Variants in ASIC2 observed in about 807,000 individuals in gnomAD.
The protein encoded by ASIC2 is acid sensing ion channel subunit 2.
Under a neutral mutation model 57.3 loss-of-function variants are expected in ASIC2, and 25 were observed. That is an observed-to-expected ratio of 0.44 (90% CI 0.32 to 0.61). The LOEUF is 0.61. ASIC2 is among the 20% of genes least tolerant of loss of function. The pLI, the probability that ASIC2 is intolerant of heterozygous loss-of-function variation, is 0.06. For missense variants in ASIC2, 641 were observed against 738.1 expected, an observed-to-expected ratio of 0.87 and a Z score of 1.52; for synonymous variants, 319 against 307.5, an observed-to-expected ratio of 1.04 and a Z score of -0.39.
chr17:34,046,979 C>A (rs928678606), intron 1 of ASIC2, among the ~76,000 whole-genome samples: 1 of 152,154 alleles, frequency 6.6e-6, no homozygotes, highest in African/African-American at 2.4e-5. Context: ...GGCTACAGAA[C>A]TTATTTATGC....
chr17:33,441,794 T>G (rs908979083), intron 1 of ASIC2, among the ~76,000 whole-genome samples: 3 of 152,202 alleles, frequency 2.0e-5, no homozygotes, highest in Non-Finnish European at 2.9e-5. Context: ...CCAATCATAC[T>G]TCTGCACAAC....
intron 1 of ASIC2, among the ~76,000 whole-genome samples, chr17:33,443,349 A>G (rs1374293235): frequency 1.3e-5 from 2 of 150,368 alleles, no homozygotes; most frequent in Non-Finnish European, 2.9e-5. Flanking sequence ...AATGTGATAG[A>G]AGTCACCAGT....
At position 33,358,439 on chromosome 17, in the gene ASIC2, T is replaced by C. The variant is rs200000681; in HGVS notation, c.556-246372A>G. On this transcript the variant is annotated intron_variant, in intron 1 of 9. Transcript: ENST00000359872. ...CATGACCTATGGATTTAGAGTCCCT[T>C]GTGACATGGACATGAGAGAACAAAT... Among the ~76,000 whole-genome samples, 39 of 152,338 alleles carry C rather than the reference T, an allele frequency of 2.6e-4. No homozygotes were observed. The East Asian group carries it at 3.3e-3, about 13-fold the overall frequency.
intron 1 of ASIC2, among the ~76,000 whole-genome samples, chr17:33,659,445 A>G (rs529846141): frequency 2.6e-4 from 40 of 152,192 alleles, no homozygotes; most frequent in Non-Finnish European, 4.7e-4. Context: ...GGGAGAACCT[A>G]TTGCTCCTAG....
intron 1 of ASIC2, among the ~76,000 whole-genome samples, chr17:33,694,469 T>G (rs1310970348): frequency 6.6e-6 from 1 of 152,212 alleles, no homozygotes; most frequent in Non-Finnish European, 1.5e-5. Flanking sequence ...AATACTTTCT[T>G]GCCTCAGTGT....
chr17:33,118,231 C>T (rs953528999), intron 1 of ASIC2, among the ~76,000 whole-genome samples: 1 of 152,140 alleles, frequency 6.6e-6, no homozygotes, highest in Admixed American at 6.5e-5. Context: ...CTCATTGGTC[C>T]TCCAGTAACT....
intron 1 of ASIC2, among the ~76,000 whole-genome samples, chr17:33,245,698 C>G (rs1363207432): frequency 1.3e-5 from 2 of 152,072 alleles, no homozygotes; most frequent in South Asian, 2.1e-4. Context: ...GGAAGAGCAT[C>G]AGAGGGTAAC....
rs1248148667 is a variant in ASIC2, at chr17:34,067,702, A to G, written c.555+88276T>C. Reference sequence around the variant, plus strand: ...AAATAAATTGGGGTATACCCACACAATAGAATATGCTACTGTTGTGAAGGA... The same window carrying G: ...AAATAAATTGGGGTATACCCACACAGTAGAATATGCTACTGTTGTGAAGGA... On this transcript the variant is annotated intron_variant, in intron 1 of 9. Coordinates refer to the ASIC2 transcript ENST00000359872. Among the ~76,000 whole-genome samples, 3 of 152,238 alleles carry G rather than the reference A, an allele frequency of 2.0e-5. No homozygotes were observed. In the East Asian group the frequency reaches 5.8e-4, roughly 29 times the overall value.
chr17:34,118,466 C>A (rs1309326322), intron 1 of ASIC2: 2 of 152,226 alleles, frequency 1.3e-5, no homozygotes, highest in Non-Finnish European at 2.9e-5. Flanking sequence ...ACCGACATTT[C>A]TTCCAGAAGA....
chr17:33,421,232 C>A (rs1441781613), intron 1 of ASIC2, among the ~76,000 whole-genome samples: 1 of 152,100 alleles, frequency 6.6e-6, no homozygotes, highest in Admixed American at 6.5e-5. Flanking sequence ...CAGGAGAGGC[C>A]TTAGGGGAAG....
At chr17:33,466,939 G>A (rs140011212) in intron 1 of ASIC2, among the ~76,000 whole-genome samples, 1,592 of 152,250 alleles carry the variant, frequency 0.01, 15 homozygotes, top group Non-Finnish European at 0.017. Context: ...CATGGGCAAG[G>A]ACTTCATGAC....
At chr17:33,133,620 C>T (rs915477130) in intron 1 of ASIC2, among the ~76,000 whole-genome samples, 3 of 152,180 alleles carry the variant, frequency 2.0e-5, no homozygotes, top group Admixed American at 2.0e-4. Context: ...AACTTTAAGT[C>T]TGTGTGACTC....
chr17:33,576,787 G>A (rs200018615), intron 1 of ASIC2, among the ~76,000 whole-genome samples: 3 of 25,346 alleles, frequency 1.2e-4, no homozygotes, highest in African/African-American at 1.0e-3. Context: ...AGGGCACCTG[G>A]TTCTTTGAGT....
chr17:34,053,406 A>G (rs1451215394), intron 1 of ASIC2, among the ~76,000 whole-genome samples: 2 of 152,154 alleles, frequency 1.3e-5, no homozygotes, highest in African/African-American at 4.8e-5. Context: ...TTGTCTTTGT[A>G]ACTCTTGATG....
intron 1 of ASIC2, among the ~76,000 whole-genome samples, chr17:33,642,491 G>T (rs1218032551): frequency 2.0e-5 from 3 of 152,192 alleles, no homozygotes; most frequent in Non-Finnish European, 4.4e-5. Flanking sequence ...CACAATGCCT[G>T]CCCCTTGTAA....
intron 1 of ASIC2, among the ~76,000 whole-genome samples, chr17:33,854,042 C>T (rs1913847854): frequency 6.6e-6 from 1 of 152,304 alleles, no homozygotes; most frequent in Non-Finnish European, 1.5e-5. Context: ...GCTATTCTGG[C>T]TAGAAGGGAA....
In ASIC2 at chr17:33,129,813, C is replaced by A. The variant is rs1005498763; in HGVS notation, c.709-17746G>T. Among the ~76,000 whole-genome samples the A allele has an allele frequency of 4.6e-5, 7 of 152,154 alleles. No individual in the cohort carries two copies. In the South Asian group the frequency reaches 1.2e-3, roughly 27 times the overall value. On this transcript the variant is annotated intron_variant, in intron 1 of 9. Transcript: ENST00000225823. ...CCATACAGGGGATTGGGGACCTGAG[C>A]TTTGGGTTAGATGGAGGTTGTTAGG... is the stretch of plus-strand genomic sequence containing the variant.
At chr17:33,214,906 A>T (rs1276759195) in intron 1 of ASIC2, among the ~76,000 whole-genome samples, 1 of 152,216 alleles carries the variant, frequency 6.6e-6, no homozygotes, top group Non-Finnish European at 1.5e-5. Context: ...AGACCAGAGA[A>T]CAGAAGCTCA....
chr17:33,427,404 G>A (rs1911255669), intron 1 of ASIC2, among the ~76,000 whole-genome samples: 1 of 152,164 alleles, frequency 6.6e-6, no homozygotes, highest in Admixed American at 6.5e-5. Flanking sequence ...TAGTTAAAAA[G>A]ACCAAAACCA....
Sources: gnomAD v4.1 joint callset for allele counts (sites outside exome capture counted in the v4.1 genomes callset) on GRCh38, gnomAD v4.1.1 for gene constraint, MANE v1.5 for transcripts, NCBI Gene and HGNC (gene_info 2026-07-23, HGNC 2026-07-21) for gene names.